TMPRSS7: variants seen among roughly 807,000 people sequenced by gnomAD.
TMPRSS7 encodes the protein transmembrane protease serine 7.
Under a neutral mutation model 95.6 loss-of-function variants are expected in TMPRSS7, and 81 were observed. The observed-to-expected ratio is 0.85, with a 90% CI of 0.71 to 1.02. TMPRSS7 has a LOEUF of 1.02. Ranked by LOEUF, TMPRSS7 falls within the 50% of genes least tolerant of loss-of-function variation. TMPRSS7 has a pLI of 0.00. For missense variants in TMPRSS7, 945 were observed against 955.2 expected, an observed-to-expected ratio of 0.99 and a Z score of 0.14; for synonymous variants, 364 against 337.8, an observed-to-expected ratio of 1.08 and a Z score of -0.85.
chr3:112,048,581 G>A (rs1055268725), intron 7 of TMPRSS7, among the ~76,000 whole-genome samples: 5 of 151,884 alleles, frequency 3.3e-5, no homozygotes, highest in African/African-American at 7.3e-5. Context: ...AATGAATTAG[G>A]CTTCATTAAG....
intron 17 of TMPRSS7, among the ~76,000 whole-genome samples, chr3:112,080,551 CACTACTACTACT>C (rs899634644): frequency 8.7e-6 from 1 of 115,104 alleles, no homozygotes; most frequent in African/African-American, 2.9e-5. Flanking sequence ...CTACTACCAC[CACTACTACTACT>C]ACTACTATTA....
At chr3:112,047,198 C>G (rs1288033736) in intron 6 of TMPRSS7, among the ~76,000 whole-genome samples, 186 bp downstream of exon 6, 1 of 152,178 alleles carries the variant, frequency 6.6e-6, no homozygotes, top group East Asian at 1.9e-4. Context: ...ATGGAGTGTG[C>G]TGGCGTTAGT....
intron 9 of TMPRSS7, among the ~76,000 whole-genome samples, chr3:112,053,667 A>T (rs1359191058): frequency 2.6e-5 from 4 of 152,226 alleles, no homozygotes; most frequent in Non-Finnish European, 5.9e-5. Flanking sequence ...AATACAGAAG[A>T]CATATTCTTA....
intron 9 of TMPRSS7, among the ~76,000 whole-genome samples, chr3:112,051,631 T>TCTAC (rs2073354866): frequency 8.6e-6 from 1 of 116,106 alleles, no homozygotes; most frequent in Non-Finnish European, 1.8e-5. Flanking sequence ...CTATCATCTA[T>TCTAC]CTATCTATCT....
exon 3 of TMPRSS7, chr3:112,041,994 T>C (rs1559952023): frequency 6.4e-7 from 1 of 1,551,618 alleles, no homozygotes; most frequent in Admixed American, 2.0e-5. Flanking sequence ...TCTTCCCGAA[T>C]ACCGACAAAA....
intron 9 of TMPRSS7, 96 bp downstream of exon 9, chr3:112,050,879 T>G: frequency 1.6e-6 from 1 of 607,730 alleles, no homozygotes; most frequent in Non-Finnish European, 2.8e-6. Context: ...GAATATTGCT[T>G]AATTTTATAA....
intron 13 of TMPRSS7, among the ~76,000 whole-genome samples, chr3:112,071,910 G>A (rs962394239): frequency 1.1e-4 from 16 of 152,124 alleles, no homozygotes; most frequent in South Asian, 2.1e-4. Context: ...TTAGCTCAGC[G>A]AAGTTTGTTA....
chr3:112,060,862 A>C (rs1353221514), intron 10 of TMPRSS7, among the ~76,000 whole-genome samples: 3 of 151,544 alleles, frequency 2.0e-5, no homozygotes, highest in Middle Eastern at 3.2e-3. Context: ...TGAAATCTTC[A>C]CAATTTATGT....
chr3:112,050,655 TG>T lies in TMPRSS7; in HGVS notation c.1091-13del. Reference sequence around the variant, plus strand: ...ACAGCTGCAAATCATTGTGTGTCACTGGGTATCTTTTCCAGAGTGTGAAAAC... The same window carrying T: ...ACAGCTGCAAATCATTGTGTGTCACTGGTATCTTTTCCAGAGTGTGAAAAC... On this transcript the variant is annotated splice_polypyrimidine_tract_variant and intron_variant, in intron 8 of 17. Transcript: ENST00000452346. The T allele has an allele frequency of 2.0e-6, 3 of 1,479,010 alleles. No individual in the cohort carries two copies. Among genetic ancestry groups the T allele is most frequent in the Non-Finnish European group, 1.8e-6 (2 of 1,082,324 alleles). The allele number at this position is 1,479,010 out of a possible 1,614,324, so 91.6% of individuals were successfully genotyped here.
chr3:112,066,793 TA>T (rs2073581991), intron 13 of TMPRSS7, among the ~76,000 whole-genome samples: 1 of 152,164 alleles, frequency 6.6e-6, no homozygotes, highest in Non-Finnish European at 1.5e-5. Flanking sequence ...TTTCAATTTT[TA>T]AAAATTTTAT....
chr3:112,058,346 G>T (rs1159729962), intron 10 of TMPRSS7, among the ~76,000 whole-genome samples: 1 of 152,190 alleles, frequency 6.6e-6, no homozygotes, highest in Non-Finnish European at 1.5e-5. Context: ...ACTCTATGTT[G>T]TGGGAGTCAG....
intron 2 of TMPRSS7, among the ~76,000 whole-genome samples, chr3:112,041,474 C>T (rs2107736544): frequency 6.6e-6 from 1 of 152,254 alleles, no homozygotes; most frequent in Admixed American, 6.5e-5. Context: ...CCCCCTCTAC[C>T]CACTTTGTCC....
At chr3:112,043,783 T>C (rs2073240915) in intron 3 of TMPRSS7, among the ~76,000 whole-genome samples, 1 of 152,182 alleles carries the variant, frequency 6.6e-6, no homozygotes, top group Admixed American at 6.5e-5. Context: ...CTAGAGTTTG[T>C]TATGAAGGGG....
At position 112,079,824 on chromosome 3, in the gene TMPRSS7, T is replaced by G. The variant is rs752507480; in HGVS notation, c.2361+946T>G. On this transcript the variant is annotated intron_variant, in intron 17 of 17. Coordinates refer to ENST00000452346, the Ensembl canonical transcript of TMPRSS7. ...TTCCAATCATTCTTTTTTCCTCATT[T>G]TATAGAAGAGGAAACTGGGCACAGA... is the stretch of plus-strand genomic sequence containing the variant. Among the ~76,000 whole-genome samples the G allele has an allele frequency of 6.2e-4, 94 of 152,334 alleles. 1 individual carries two copies. The highest frequency in any genetic ancestry group is 1.9e-3 in the South Asian group (9 of 4,822).
At chr3:112,050,927 A>G in intron 9 of TMPRSS7, 144 bp downstream of exon 9, 1 of 504,028 alleles carries the variant, frequency 2.0e-6, no homozygotes, top group Non-Finnish European at 3.4e-6. Flanking sequence ...TTAGAATGCA[A>G]CACTTTTCTG....
chr3:112,072,654 T>C (rs529150506), intron 13 of TMPRSS7, among the ~76,000 whole-genome samples: 57 of 152,350 alleles, frequency 3.7e-4, no homozygotes, highest in African/African-American at 1.3e-3. Flanking sequence ...CTGCTTTGTT[T>C]ACCTACTCAA....
intron 3 of TMPRSS7, among the ~76,000 whole-genome samples, chr3:112,043,456 G>GA (rs200200807): frequency 7.7e-4 from 114 of 148,730 alleles, no homozygotes; most frequent in Middle Eastern, 3.5e-3. Context: ...AAAAGAAAAA[G>GA]AAAAAAAAAA....
intron 10 of TMPRSS7, among the ~76,000 whole-genome samples, chr3:112,059,351 G>T (rs2073472518): frequency 6.6e-6 from 1 of 152,030 alleles, no homozygotes; most frequent in African/African-American, 2.4e-5. Context: ...ACTCTTGCTG[G>T]CTTTCTCGTG....
chr3:112,060,448 A>G (rs1006782905), intron 10 of TMPRSS7, among the ~76,000 whole-genome samples: 3 of 152,156 alleles, frequency 2.0e-5, no homozygotes, highest in Non-Finnish European at 4.4e-5. Flanking sequence ...GAAGATGACC[A>G]CACCCAAGGG....
Sources: gnomAD v4.1 joint callset for allele counts (sites outside exome capture counted in the v4.1 genomes callset) on GRCh38, gnomAD v4.1.1 for gene constraint, MANE v1.5 for transcripts, NCBI Gene and HGNC (gene_info 2026-07-23, HGNC 2026-07-21) for gene names.